The following BCAS1 variants were observed in gnomAD, a reference collection of about 807,000 sequenced individuals.
The protein encoded by BCAS1 is brain enriched myelin associated protein 1.
BCAS1 carries 46 observed loss-of-function variants against 65.4 expected under a neutral mutation model. That is an observed-to-expected ratio of 0.70 (90% CI 0.55 to 0.90). BCAS1 has a LOEUF of 0.90. BCAS1 is among the 40% of genes least tolerant of loss of function. BCAS1 has a pLI of 0.00. For missense variants in BCAS1, 793 were observed against 771.2 expected (o/e 1.03, Z -0.33); for synonymous variants, 298 against 293.5 (o/e 1.02, Z -0.16).
rs11467629 is a variant in BCAS1 at position 53,960,469 on chromosome 20, TAAAAAAA to T, written c.1486-2979_1486-2973del. Among the ~76,000 whole-genome samples, 60 of 63,112 alleles carry T rather than the reference TAAAAAAA, an allele frequency of 9.5e-4. 1 individual carries two copies. The highest frequency in any genetic ancestry group is 3.4e-3 in the African/African-American group (57 of 16,670). The allele number at this position is 63,112 out of a possible 152,430, so 41.4% of individuals were successfully genotyped here. A position where few individuals can be genotyped will look rare whatever the true frequency, so the allele number is the denominator to read the frequency against. On this transcript the variant is annotated intron_variant, in intron 10 of 12. Transcript: ENST00000688948. ...ATTACTGCAACAAAGTTCAACTTCT[TAAAAAAA>T]AAAAAAAAAAAAAAAAAAAAGAGAG...
intron 7 of BCAS1, among the ~76,000 whole-genome samples, chr20:53,988,321 G>A (rs572694313): frequency 2.0e-5 from 3 of 152,246 alleles, no homozygotes; most frequent in African/African-American, 7.2e-5. Context: ...ATACTTGGCC[G>A]TTTTCACCGC....
chr20:53,981,821 CGTGTGTGT>C (rs3831644), intron 8 of BCAS1, among the ~76,000 whole-genome samples: 1 of 150,158 alleles, frequency 6.7e-6, no homozygotes, highest in Non-Finnish European at 1.5e-5. Context: ...CATGTGCGTG[CGTGTGTGT>C]GTGTGTGTGT....
chr20:54,053,744 A>G (rs1219485595), intron 3 of BCAS1, among the ~76,000 whole-genome samples: 1 of 152,250 alleles, frequency 6.6e-6, no homozygotes, highest in African/African-American at 2.4e-5. Flanking sequence ...CCCATTTTAC[A>G]GATGACAGAA....
chr20:54,057,068 T>A (rs2092307130), intron 3 of BCAS1, among the ~76,000 whole-genome samples: 1 of 152,180 alleles, frequency 6.6e-6, no homozygotes. Flanking sequence ...TACCTCTTCT[T>A]ACATAATTTA....
intron 4 of BCAS1, among the ~76,000 whole-genome samples, chr20:53,997,739 A>T (rs1184975168): frequency 1.3e-5 from 2 of 152,090 alleles, no homozygotes; most frequent in Admixed American, 6.5e-5. Flanking sequence ...GGTGCACCGG[A>T]GGTTGTGACA....
intron 9 of BCAS1, among the ~76,000 whole-genome samples, chr20:53,968,931 A>C (rs2090108779): frequency 6.6e-6 from 1 of 152,234 alleles, no homozygotes; most frequent in Admixed American, 6.5e-5. Flanking sequence ...GACTGGAGCC[A>C]TATCAGAGAC....
chr20:54,024,185 G>C (rs568735879), intron 4 of BCAS1, among the ~76,000 whole-genome samples: 2 of 152,316 alleles, frequency 1.3e-5, no homozygotes, highest in East Asian at 3.9e-4. Context: ...CAGAGGTAGA[G>C]AGGAAACCTA....
chr20:54,028,188 G>T (rs1421818172), intron 4 of BCAS1: 1 of 605,006 alleles, frequency 1.7e-6, no homozygotes, highest in Non-Finnish European at 2.9e-6. Context: ...AGATGCCACA[G>T]CTGTTATTGT....
chr20:54,050,396 T>C (rs1458648621), intron 3 of BCAS1, among the ~76,000 whole-genome samples: 2 of 152,188 alleles, frequency 1.3e-5, no homozygotes, highest in Non-Finnish European at 2.9e-5. Context: ...GACTCTTAGC[T>C]ATAATACTCT....
intron 4 of BCAS1, among the ~76,000 whole-genome samples, chr20:54,004,708 T>G (rs2091143141): frequency 1.3e-5 from 2 of 152,072 alleles, no homozygotes; most frequent in Admixed American, 1.3e-4. Flanking sequence ...AGCATTAGCA[T>G]GGGCTCTGAA....
intron 1 of BCAS1, among the ~76,000 whole-genome samples, chr20:54,069,773 T>A (rs1432597489): frequency 1.3e-5 from 2 of 152,168 alleles, no homozygotes; most frequent in East Asian, 3.9e-4. Flanking sequence ...GGGAACCTGC[T>A]CCAGGGCACC....
At chr20:54,038,845 C>T (rs2091942845) in intron 3 of BCAS1, among the ~76,000 whole-genome samples, 1 of 151,240 alleles carries the variant, frequency 6.6e-6, no homozygotes, top group African/African-American at 2.4e-5. Flanking sequence ...GGAAATTGTA[C>T]ATCTTGCAAA....
At chr20:53,977,423 G>GA (rs2145716461) in intron 8 of BCAS1, among the ~76,000 whole-genome samples, 1 of 152,276 alleles carries the variant, frequency 6.6e-6, no homozygotes, top group African/African-American at 2.4e-5. Flanking sequence ...AAAGTTTCAG[G>GA]AATCATTATA....
At chr20:54,052,890 A>C (rs2092241700) in intron 3 of BCAS1, among the ~76,000 whole-genome samples, 1 of 152,246 alleles carries the variant, frequency 6.6e-6, no homozygotes, top group Non-Finnish European at 1.5e-5. Context: ...ATATACCCTA[A>C]TTGGATTATC....
At chr20:54,047,472 T>C (rs1478059106) in intron 3 of BCAS1, among the ~76,000 whole-genome samples, 3 of 152,242 alleles carry the variant, frequency 2.0e-5, no homozygotes, top group South Asian at 2.1e-4. Flanking sequence ...AATTCTCCAC[T>C]AGACTTTTTG....
At chr20:53,968,081 A>G (rs1243419850) in intron 9 of BCAS1, among the ~76,000 whole-genome samples, 1 of 152,020 alleles carries the variant, frequency 6.6e-6, no homozygotes, top group Non-Finnish European at 1.5e-5. Flanking sequence ...CTGGCTTTCA[A>G]CTCCTGGGCT....
In BCAS1 at chr20:53,944,867, T is replaced by A. The variant is rs1257516919; in HGVS notation, c.*55A>T. 2 of 1,492,172 alleles carry A rather than the reference T, an allele frequency of 1.3e-6. No individual in the cohort carries two copies. The highest frequency in any genetic ancestry group is 2.8e-5 in the African/African-American group (2 of 72,284). The allele number at this position is 1,492,172 out of a possible 1,614,324, so 92.4% of individuals were successfully genotyped here. ...GAGCGTGTTTGGGGAGGAGATGGAG[T>A]AAGGAGAACACATCTTGGTGGCAGG... On this transcript the variant is annotated 3_prime_UTR_variant, in exon 13 of 13. Coordinates refer to ENST00000688948, the MANE Select transcript of BCAS1 (RefSeq NM_001366298.2).
At chr20:53,994,090 T>C (rs2090837835) in intron 6 of BCAS1, among the ~76,000 whole-genome samples, 1 of 152,172 alleles carries the variant, frequency 6.6e-6, no homozygotes, top group Admixed American at 6.5e-5. Context: ...GAAATGCAGG[T>C]CTTTTGAGAC....
intron 1 of BCAS1, among the ~76,000 whole-genome samples, chr20:54,068,763 C>G (rs2092476871): frequency 6.6e-6 from 1 of 152,164 alleles, no homozygotes; most frequent in Non-Finnish European, 1.5e-5. Flanking sequence ...AAATCCTGAA[C>G]TGCTTCAGGG....
Sources: allele counts gnomAD v4.1 joint callset (sites outside exome capture counted in the v4.1 genomes callset), GRCh38; gene constraint gnomAD v4.1.1; transcripts MANE v1.5; gene names NCBI Gene and HGNC (gene_info 2026-07-23, HGNC 2026-07-21).